The following QKI variants were observed in gnomAD, a reference collection of about 807,000 sequenced individuals.
QKI encodes the protein KH domain-containing RNA-binding protein QKI.
Under a neutral mutation model 39.0 loss-of-function variants are expected in QKI, and 10 were observed. The ratio of observed to expected loss-of-function variants is 0.26; its 90% CI spans 0.16 to 0.43. QKI has a LOEUF of 0.43. Among genes scored for constraint, QKI ranks in the 20% least tolerant of loss-of-function variants. The pLI is 1.00. For missense variants in QKI, 218 were observed against 428.0 expected (o/e 0.51, Z 4.33); for synonymous variants, 204 against 155.4 (o/e 1.31, Z -2.33).
chr6:163,578,056 C>T lies in QKI; in HGVS notation c.*7346C>T, dbSNP rs751906565. The T allele has an allele frequency of 3.9e-5, 6 of 152,052 alleles. No individual in the cohort carries two copies. The highest frequency in any genetic ancestry group is 7.4e-5 in the Non-Finnish European group (5 of 68,022). The allele number at this position is 152,052 out of a possible 1,614,324, so 9.4% of individuals were successfully genotyped here. A position where few individuals can be genotyped will look rare whatever the true frequency, so the allele number is the denominator to read the frequency against. On this transcript the variant is annotated 3_prime_UTR_variant, in exon 8 of 8. Transcript: ENST00000361752. Reference sequence around the variant, plus strand: ...AATGTTTATTAAAATTAGATTATTCCAGTTTAATGCTATTTTGTGAACTGT... The same window carrying T: ...AATGTTTATTAAAATTAGATTATTCTAGTTTAATGCTATTTTGTGAACTGT...
At chr6:163,524,928 A>G (rs1276204579) in intron 3 of QKI, among the ~76,000 whole-genome samples, 1 of 152,190 alleles carries the variant, frequency 6.6e-6, no homozygotes, top group East Asian at 1.9e-4. Flanking sequence ...AGATGTAAGT[A>G]CTATCTTTAT....
Position 163,577,994 on chromosome 6 carries a change from T to C in QKI, c.*7284T>C, listed in dbSNP as rs1303194153. 1 of 152,134 alleles carries C rather than the reference T, an allele frequency of 6.6e-6. No homozygotes were observed. The highest frequency in any genetic ancestry group is 1.5e-5 in the Non-Finnish European group (1 of 68,036). The allele number at this position is 152,134 out of a possible 1,614,324, so 9.4% of individuals were successfully genotyped here. ...TGTACTATACATATGTCTAAAATAA[T>C]AGTCATGGTAAGTTTGGCATCATAT... is the stretch of plus-strand genomic sequence containing the variant. On this transcript the variant is annotated 3_prime_UTR_variant, in exon 8 of 8. Transcript: ENST00000361752.
intron 6 of QKI, chr6:163,565,664 A>G (rs1272321252): frequency 9.2e-6 from 10 of 1,088,576 alleles, no homozygotes; most frequent in African/African-American, 1.6e-5. Context: ...GAAAAAATCT[A>G]TTATGGTTAA....
At chr6:163,461,902 T>A (rs1405360571) in intron 2 of QKI, among the ~76,000 whole-genome samples, 1 of 152,166 alleles carries the variant, frequency 6.6e-6, no homozygotes, top group East Asian at 1.9e-4. Flanking sequence ...TTCCACTCAT[T>A]TCAGTTCCTG....
intron 3 of QKI, among the ~76,000 whole-genome samples, chr6:163,530,750 C>T (rs962742608): frequency 6.6e-6 from 1 of 152,062 alleles, no homozygotes; most frequent in African/African-American, 2.4e-5. Context: ...ACACTGCACC[C>T]CCTCCAAAAC....
At chr6:163,475,901 C>T (rs1792554310) in intron 2 of QKI, among the ~76,000 whole-genome samples, 1 of 152,064 alleles carries the variant, frequency 6.6e-6, no homozygotes, top group Non-Finnish European at 1.5e-5. Flanking sequence ...AAATTAAAAA[C>T]TTTCAGTCAT....
chr6:163,491,042 T>G (rs1268146087), intron 3 of QKI, among the ~76,000 whole-genome samples: 1 of 152,190 alleles, frequency 6.6e-6, no homozygotes, highest in Non-Finnish European at 1.5e-5. Flanking sequence ...TCTTTTTTGT[T>G]AAGATGTCAT....
At chr6:163,494,157 T>C (rs1056762726) in intron 3 of QKI, among the ~76,000 whole-genome samples, 27 of 152,144 alleles carry the variant, frequency 1.8e-4, no homozygotes, top group African/African-American at 6.3e-4. Context: ...TAAAAAATAA[T>C]AATACAACAA....
At chr6:163,484,117 C>G (rs1045822279) in intron 3 of QKI, among the ~76,000 whole-genome samples, 3 of 151,918 alleles carry the variant, frequency 2.0e-5, no homozygotes, top group African/African-American at 7.3e-5. Context: ...CAACAGTAGG[C>G]TTAAAATATT....
chr6:163,538,677 A>G (rs1362869701), intron 4 of QKI, among the ~76,000 whole-genome samples: 1 of 152,176 alleles, frequency 6.6e-6, no homozygotes, highest in Non-Finnish European at 1.5e-5. Flanking sequence ...CTGAGAATAG[A>G]CTTTGAGGGC....
chr6:163,570,449 T>TG, intron 7 of QKI: 7 of 978,946 alleles, frequency 7.2e-6, no homozygotes, highest in Non-Finnish European at 7.3e-6. Flanking sequence ...AACCAGTTTT[T>TG]TTTTTTTTTT....
intron 4 of QKI, among the ~76,000 whole-genome samples, chr6:163,549,861 A>G (rs1562533926): frequency 6.6e-6 from 1 of 152,210 alleles, no homozygotes; most frequent in African/African-American, 2.4e-5. Flanking sequence ...TTTACAATCT[A>G]ACACACTACT....
intron 1 of QKI, among the ~76,000 whole-genome samples, chr6:163,431,313 C>CT (rs1171738059): frequency 6.6e-6 from 1 of 152,124 alleles, no homozygotes; most frequent in Non-Finnish European, 1.5e-5. Context: ...TGAATTTTGT[C>CT]TAACTCAAAT....
At chr6:163,481,087 T>G (rs1217915535) in intron 3 of QKI, among the ~76,000 whole-genome samples, 1 of 152,196 alleles carries the variant, frequency 6.6e-6, no homozygotes, top group Non-Finnish European at 1.5e-5. Flanking sequence ...CTTGGCCATT[T>G]GGTAAAGAAC....
At chr6:163,560,976 GTTATTA>G (rs1782958595) in intron 4 of QKI, among the ~76,000 whole-genome samples, 4 of 152,266 alleles carry the variant, frequency 2.6e-5, no homozygotes, top group African/African-American at 9.6e-5. Flanking sequence ...TTGAAGCATG[GTTATTA>G]TTAGTGCCCA....
intron 1 of QKI, 29 bp downstream of exon 1, chr6:163,415,364 C>A: frequency 6.4e-7 from 1 of 1,568,608 alleles, no homozygotes; most frequent in Non-Finnish European, 8.7e-7. Context: ...CCGGCCCCGG[C>A]CCGACCCCCG....
intron 1 of QKI, among the ~76,000 whole-genome samples, chr6:163,416,646 C>A (rs537062902): frequency 3.3e-5 from 5 of 152,208 alleles, no homozygotes; most frequent in Non-Finnish European, 5.9e-5. Flanking sequence ...AAAGAAAAAT[C>A]CCAGGAGTTC....
chr6:163,430,393 A>G (rs1040026959), intron 1 of QKI, among the ~76,000 whole-genome samples: 2 of 152,076 alleles, frequency 1.3e-5, no homozygotes, highest in African/African-American at 4.8e-5. Context: ...CTTACTGCCT[A>G]ACTTTTAATT....
intron 3 of QKI, among the ~76,000 whole-genome samples, chr6:163,496,158 G>GAGTCT (rs1778391732): frequency 6.6e-6 from 1 of 152,062 alleles, no homozygotes; most frequent in Admixed American, 6.5e-5. Context: ...CCATTCGTTT[G>GAGTCT]CTGATTTTAG....
Sources: gnomAD v4.1 joint callset for allele counts (sites outside exome capture counted in the v4.1 genomes callset) on GRCh38, gnomAD v4.1.1 for gene constraint, MANE v1.5 for transcripts, NCBI Gene and HGNC (gene_info 2026-07-23, HGNC 2026-07-21) for gene names.